Variants in HDAC3 observed in about 807,000 individuals in gnomAD.
HDAC3 encodes SMAP45.
In HDAC3, 21 loss-of-function variants were observed where a neutral mutation model predicts 62.3. That is an observed-to-expected ratio of 0.34 (90% CI 0.24 to 0.49). HDAC3 has a LOEUF of 0.49. Ranked by LOEUF, HDAC3 falls within the 20% of genes least tolerant of loss-of-function variation. HDAC3 has a pLI of 0.99. For missense variants in HDAC3, 270 were observed against 556.9 expected, an observed-to-expected ratio of 0.48 and a Z score of 5.19; for synonymous variants, 198 against 206.5, an observed-to-expected ratio of 0.96 and a Z score of 0.35.
chr5:141,628,762 G>T lies in HDAC3; in HGVS notation c.611-123C>A. The T allele has an allele frequency of 1.4e-6, 1 of 691,314 alleles. No individual in the cohort carries two copies. 42.8% of individuals were successfully genotyped at this position (691,314 alleles called of 1,614,324 possible). A position where few individuals can be genotyped will look rare whatever the true frequency, so the allele number is the denominator to read the frequency against. ...ATGTAGCTTCACCATAAACTCCCTAGAGCCACTAAATCTCTTGCAGCTTGC... is the reference window on the plus strand; with the variant it reads ...ATGTAGCTTCACCATAAACTCCCTATAGCCACTAAATCTCTTGCAGCTTGC... On this transcript the variant is annotated intron_variant, in intron 7 of 14. Transcript: ENST00000305264. This position sits in a 1 kb window ranked among gnomAD's most constrained non-coding sequence, Gnocchi z 4.7.
intron 14 of HDAC3, among the ~76,000 whole-genome samples, chr5:141,624,415 G>T (rs2099904159): frequency 7.6e-6 from 1 of 130,926 alleles, no homozygotes; most frequent in South Asian, 2.6e-4. Context: ...AAATTAGCCA[G>T]GTGTCGTGGT....
intron 3 of HDAC3, among the ~76,000 whole-genome samples, chr5:141,633,825 CAAAAAAAA>C (rs11291105): frequency 1.4e-5 from 1 of 74,010 alleles, no homozygotes; most frequent in African/African-American, 5.2e-5. Flanking sequence ...GACTCTGTCT[CAAAAAAAA>C]AAAAAAAAAA....
rs1045422241 is a variant in HDAC3, at chr5:141,629,490, G to A, written c.477-184C>T. ...GAGGCTAGAGGCAGGGACAGGAGAG[G>A]GATATGCAGAGAAGGCTGAAATGTG... On this transcript the variant is annotated intron_variant, in intron 6 of 14. Coordinates refer to ENST00000305264, the MANE Select transcript of HDAC3 (RefSeq NM_003883.4). This position sits in a 1 kb window ranked among gnomAD's most constrained non-coding sequence, Gnocchi z 5.3. 1.1e-6 allele frequency: 1 copy of A among 921,762 alleles called. No homozygotes were observed. Among genetic ancestry groups the A allele is most frequent in the Non-Finnish European group, 1.7e-6 (1 of 602,764 alleles). The allele number at this position is 921,762 out of a possible 1,614,324, so 57.1% of individuals were successfully genotyped here. A position where few individuals can be genotyped will look rare whatever the true frequency, so the allele number is the denominator to read the frequency against.
At chr5:141,635,706 G>C (rs754383652) in intron 2 of HDAC3, among the ~76,000 whole-genome samples, 5 of 152,260 alleles carry the variant, frequency 3.3e-5, no homozygotes, top group African/African-American at 4.8e-5. Context: ...CTGGGCCCAA[G>C]CCATCCTCTC....
chr5:141,629,478 G>A lies in HDAC3; in HGVS notation c.477-172C>T. 2.1e-6 allele frequency: 2 copies of A among 973,954 alleles called. No individual in the cohort carries two copies. Among genetic ancestry groups the A allele is most frequent in the South Asian group, 1.6e-5 (1 of 64,198 alleles). 60.3% of individuals were successfully genotyped at this position (973,954 alleles called of 1,614,324 possible). ...GGCTCCAGCCTAGAGGCTAGAGGCA[G>A]GGACAGGAGAGGGATATGCAGAGAA... On this transcript the variant is annotated intron_variant, in intron 6 of 14. Coordinates refer to ENST00000305264, the MANE Select transcript of HDAC3 (RefSeq NM_003883.4). The surrounding 1 kb of genome is among the most constrained non-coding windows in gnomAD (Gnocchi z 5.3).
chr5:141,629,799 C>A lies in HDAC3; in HGVS notation c.421-60G>T. On this transcript the variant is annotated intron_variant, in intron 5 of 14. Transcript: ENST00000305264. The surrounding 1 kb of genome is among the most constrained non-coding windows in gnomAD (Gnocchi z 5.3). The stretch of plus-strand genomic sequence containing the variant: ...CAATTCCCCTCCCAGCTGCCCCCCA[C>A]CATCATCCTAAACACCTACCCTAGG... 1.2e-6 allele frequency: 2 copies of A among 1,611,928 alleles called. No individual in the cohort carries two copies. The highest frequency in any genetic ancestry group is 8.5e-7 in the Non-Finnish European group (1 of 1,178,004).
At chr5:141,634,984 C>A in intron 2 of HDAC3, 31 bp from the exon 3 acceptor site, 1 of 1,609,888 alleles carries the variant, frequency 6.2e-7, no homozygotes. Context: ...TGAACCCAGG[C>A]AGGGTCAGCC....
At chr5:141,622,798 T>C (rs2099903898) in intron 14 of HDAC3, among the ~76,000 whole-genome samples, 1 of 152,072 alleles carries the variant, frequency 6.6e-6, no homozygotes, top group Admixed American at 6.5e-5. Context: ...GATCTTTAAC[T>C]AGCCATGTGA....
chr5:141,631,907 T>C (rs1413202039), intron 3 of HDAC3, among the ~76,000 whole-genome samples: 2 of 147,748 alleles, frequency 1.4e-5, no homozygotes, highest in Non-Finnish European at 3.0e-5. Context: ...TAACAGTCAA[T>C]TAATATTATT....
Position 141,629,804 on chromosome 5 carries a change from A to G in HDAC3, c.420+56T>C, listed in dbSNP as rs2099904933. The G allele has an allele frequency of 1.5e-5, 24 of 1,612,038 alleles. No homozygotes were observed. The South Asian group carries it at 2.4e-4, about 16-fold the overall frequency. On this transcript the variant is annotated intron_variant, in intron 5 of 14. Coordinates refer to ENST00000305264, the MANE Select transcript of HDAC3 (RefSeq NM_003883.4). The surrounding 1 kb of genome is among the most constrained non-coding windows in gnomAD (Gnocchi z 5.3). ...CCCCTCCCAGCTGCCCCCCACCATC[A>G]TCCTAAACACCTACCCTAGGATGGC...
intron 3 of HDAC3, among the ~76,000 whole-genome samples, chr5:141,630,600 C>T (rs1051555524): frequency 1.3e-5 from 2 of 152,184 alleles, no homozygotes; most frequent in South Asian, 2.1e-4. Flanking sequence ...ATACAGTATC[C>T]GCTCAGCCTT....
rs151274069 is a variant in HDAC3, at chr5:141,626,799, T to TAC, written c.831-518_831-517dup. Among the ~76,000 whole-genome samples the TAC allele has an allele frequency of 1.2e-3, 168 of 136,390 alleles. No individual in the cohort carries two copies. The highest frequency in any genetic ancestry group is 7.1e-3 in the East Asian group (32 of 4,476). 89.5% of individuals were successfully genotyped at this position (136,390 alleles called of 152,430 possible). A position where few individuals can be genotyped will look rare whatever the true frequency, so the allele number is the denominator to read the frequency against. On this transcript the variant is annotated intron_variant, in intron 10 of 14. Transcript: ENST00000305264. The surrounding 1 kb of genome is among the most constrained non-coding windows in gnomAD (Gnocchi z 4.6). ...GTGTGTGTGTGTATATATATATATA[T>TAC]ACACACACACACACACACACCTCTC... is the stretch of plus-strand genomic sequence containing the variant.
chr5:141,621,919 C>A (rs1372695613), intron 14 of HDAC3, among the ~76,000 whole-genome samples: 1 of 152,148 alleles, frequency 6.6e-6, no homozygotes, highest in African/African-American at 2.4e-5. Context: ...TCAGACAGGA[C>A]TATTGGGACA....
At chr5:141,630,001 G>T in intron 4 of HDAC3, 43 bp downstream of exon 4, 1 of 1,613,202 alleles carries the variant, frequency 6.2e-7, no homozygotes, top group Non-Finnish European at 8.5e-7. Flanking sequence ...CCCGAGTCCA[G>T]GGATCCAGAG....
Position 141,629,936 on chromosome 5 carries a change from G to C in HDAC3, c.364-20C>G. ...ACAGATCTGAAAGACAAACACCTAA[G>C]TCACAGTCCTTCCTGCCCACCCCTC... On this transcript the variant is annotated intron_variant, in intron 4 of 14. Coordinates refer to ENST00000305264, the MANE Select transcript of HDAC3 (RefSeq NM_003883.4). The surrounding 1 kb of genome is among the most constrained non-coding windows in gnomAD (Gnocchi z 5.3). 4 of 1,614,058 alleles carry C rather than the reference G, an allele frequency of 2.5e-6. No homozygotes were observed. The highest frequency in any genetic ancestry group is 3.4e-6 in the Non-Finnish European group (4 of 1,179,938).
In HDAC3 at chr5:141,628,554, C is replaced by T. The variant is rs781308877; in HGVS notation, c.691+5G>A. The T allele has an allele frequency of 6.2e-7, 1 of 1,611,500 alleles. No homozygotes were observed. The highest frequency in any genetic ancestry group is 8.5e-7 in the Non-Finnish European group (1 of 1,177,592). On this transcript the variant is annotated splice_donor_5th_base_variant and intron_variant, in intron 8 of 14. Transcript: ENST00000305264. This position sits in a 1 kb window ranked among gnomAD's most constrained non-coding sequence, Gnocchi z 4.7. ...AGGGAACAGAGGGAAGACTTCGGTA[C>T]TTACTCTGGTCATCAATGCCATCCC...
chr5:141,633,264 C>G (rs2099905498), intron 3 of HDAC3, among the ~76,000 whole-genome samples: 2 of 152,098 alleles, frequency 1.3e-5, no homozygotes, highest in Non-Finnish European at 2.9e-5. Context: ...ACATATCAAC[C>G]AAATGCACTG....
In HDAC3 at chr5:141,629,233, T is replaced by C. The variant is rs1209678571; in HGVS notation, c.550A>G (p.Thr184Ala). 1.2e-6 allele frequency: 2 copies of C among 1,614,046 alleles called. No homozygotes were observed. The change falls in exon 7 of 15, where the codon ACT (threonine) becomes GCT (alanine). Residue 184 changes from threonine to alanine, a missense_variant. Physicochemically the swap from Thr to Ala is moderately conservative, Grantham distance 58. Coordinates refer to ENST00000305264, the MANE Select transcript of HDAC3 (RefSeq NM_003883.4). The surrounding 1 kb of genome is among the most constrained non-coding windows in gnomAD (Gnocchi z 5.3). The part of the protein sequence containing the change: ...GDGVQEAFYL[T>A]DRVMTVSFHK... Reference sequence around the variant, plus strand: ...AAGGACACCGTCATGACCCGGTCAGTGAGGTAGAAAGCTTCTTGAACCCCG... The same window carrying C: ...AAGGACACCGTCATGACCCGGTCAGCGAGGTAGAAAGCTTCTTGAACCCCG...
chr5:141,636,450 G>A (rs1372312292), intron 2 of HDAC3, 98 bp downstream of exon 2: 3 of 1,046,124 alleles, frequency 2.9e-6, no homozygotes, highest in East Asian at 4.9e-5. Flanking sequence ...CGATACTCTA[G>A]GGGCGGGTCG....
Sources: allele counts gnomAD v4.1 joint callset (sites outside exome capture counted in the v4.1 genomes callset), GRCh38; gene constraint gnomAD v4.1.1; non-coding constraint Gnocchi (gnomAD v3.1); transcripts MANE v1.5; gene names NCBI Gene and HGNC (gene_info 2026-07-23, HGNC 2026-07-21).